SPARCL1: variants seen among roughly 807,000 people sequenced by gnomAD.
SPARCL1 encodes the protein SPARC like 1.
In SPARCL1, 52 loss-of-function variants were observed where a neutral mutation model predicts 67.1. That is an observed-to-expected ratio of 0.78 (90% confidence interval 0.62 to 0.98). The LOEUF is 0.98. Ranked by LOEUF, SPARCL1 falls within the 50% of genes least tolerant of loss-of-function variation. The pLI, the probability that SPARCL1 is intolerant of heterozygous loss-of-function variation, is 0.00. For missense variants in SPARCL1, 717 were observed against 782.4 expected (o/e 0.92, Z 1.00); for synonymous variants, 226 against 267.8 (o/e 0.84, Z 1.52).
chr4:87,515,573 G>T (rs1454473690), intron 1 of SPARCL1, among the ~76,000 whole-genome samples: 1 of 152,114 alleles, frequency 6.6e-6, no homozygotes, highest in Non-Finnish European at 1.5e-5. Context: ...AGGGATGATA[G>T]GTAACTGGAA....
intron 7 of SPARCL1, among the ~76,000 whole-genome samples, chr4:87,482,923 G>T (rs1723891611): frequency 6.6e-6 from 1 of 152,054 alleles, no homozygotes; most frequent in South Asian, 2.1e-4. Flanking sequence ...ATTGAATAGA[G>T]AAAAAGGTAG....
chr4:87,490,208 G>C (rs558794446), intron 7 of SPARCL1, 65 bp downstream of exon 7: 1 of 1,492,666 alleles, frequency 6.7e-7, no homozygotes, highest in Non-Finnish European at 9.0e-7. Flanking sequence ...AGATAATTCA[G>C]GCATGTCCAG....
intron 2 of SPARCL1, among the ~76,000 whole-genome samples, chr4:87,496,404 A>C (rs1421087241): frequency 6.6e-6 from 1 of 151,886 alleles, no homozygotes; most frequent in Non-Finnish European, 1.5e-5. Flanking sequence ...TTTTTTGTAG[A>C]GATGGAGTTT....
At chr4:87,473,833 T>C in intron 10 of SPARCL1, 30 bp from the exon 11 acceptor site, 1 of 1,534,264 alleles carries the variant, frequency 6.5e-7, no homozygotes, top group South Asian at 1.1e-5. Flanking sequence ...AAAATGACAC[T>C]TTTAGAAAGT....
At chr4:87,519,661 T>G (rs963600457) in intron 1 of SPARCL1, among the ~76,000 whole-genome samples, 1 of 152,146 alleles carries the variant, frequency 6.6e-6, no homozygotes, top group Non-Finnish European at 1.5e-5. Flanking sequence ...AAATACATAT[T>G]TTACACACAT....
At chr4:87,480,345 A>G (rs760975181) in intron 9 of SPARCL1, 27 bp downstream of exon 9, 2 of 1,528,878 alleles carry the variant, frequency 1.3e-6, no homozygotes, top group South Asian at 1.4e-5. Flanking sequence ...AGATAAATCT[A>G]GAAATGGAAA....
chr4:87,490,475 G>A, intron 6 of SPARCL1, 82 bp from the exon 7 acceptor site: 1 of 1,469,434 alleles, frequency 6.8e-7, no homozygotes, highest in Non-Finnish European at 9.2e-7. Context: ...CTCATATGCT[G>A]ATAACAGCGC....
rs1725290279 is a variant in SPARCL1, at chr4:87,510,228, C to T, written c.-11-10643G>A. On this transcript the variant is annotated intron_variant, in intron 1 of 10. Coordinates refer to ENST00000282470, the MANE Select transcript of SPARCL1 (RefSeq NM_004684.6). ...ATAATATGTGTTCCGCATGTCTCTT[C>T]CCGATTCTGTTCAGTGGCGTCATGT... 2.6e-5 allele frequency among the ~76,000 whole-genome samples: 4 copies of T among 152,156 alleles called. No homozygotes were observed. In the South Asian group the frequency reaches 8.3e-4, roughly 32 times the overall value.
At chr4:87,498,283 G>T (rs564962887) in intron 2 of SPARCL1, among the ~76,000 whole-genome samples, 1 of 152,274 alleles carries the variant, frequency 6.6e-6, no homozygotes, top group East Asian at 1.9e-4. Flanking sequence ...TCCAAGAACA[G>T]CTTGGTCTGG....
chr4:87,521,001 C>A (rs570440814), intron 1 of SPARCL1, among the ~76,000 whole-genome samples: 5 of 152,170 alleles, frequency 3.3e-5, no homozygotes, highest in Admixed American at 1.3e-4. Context: ...TATTAGGGAA[C>A]CTACACAAAC....
Position 87,490,407 on chromosome 4 carries a change from G to A in SPARCL1, c.1411-14C>T. The A allele has an allele frequency of 6.3e-7, 1 of 1,594,810 alleles. No homozygotes were observed. On this transcript the variant is annotated splice_polypyrimidine_tract_variant and intron_variant, in intron 6 of 10. Coordinates refer to ENST00000282470, the MANE Select transcript of SPARCL1 (RefSeq NM_004684.6). ...AGTGCCACAAACCTATGGAAGATAA[G>A]TAGAAGAAAAAGCTGATAGAGCCAA...
At chr4:87,483,083 GT>G (rs35089335) in intron 7 of SPARCL1, among the ~76,000 whole-genome samples, 60,736 of 143,816 alleles carry the variant, frequency 0.42, 13,366 homozygotes, top group African/African-American at 0.59. Context: ...GATCACTGCC[GT>G]TTTTTTTTTT....
intron 1 of SPARCL1, among the ~76,000 whole-genome samples, chr4:87,508,820 A>G (rs1194110887): frequency 7.2e-6 from 1 of 139,664 alleles, no homozygotes; most frequent in Non-Finnish European, 1.6e-5. Flanking sequence ...GTGTGTATAG[A>G]TACATATATG....
chr4:87,516,270 C>T (rs1178360164), intron 1 of SPARCL1, among the ~76,000 whole-genome samples: 1 of 152,048 alleles, frequency 6.6e-6, no homozygotes, highest in Non-Finnish European at 1.5e-5. Flanking sequence ...GAGAGGCCTG[C>T]CCAAATTTCT....
intron 1 of SPARCL1, among the ~76,000 whole-genome samples, chr4:87,521,667 A>T (rs546687997): frequency 2.6e-5 from 4 of 152,242 alleles, no homozygotes; most frequent in Non-Finnish European, 5.9e-5. Flanking sequence ...GATGATGACA[A>T]CTTGATCTGT....
intron 1 of SPARCL1, 116 bp downstream of exon 1, chr4:87,528,929 T>C (rs1452228837): frequency 1.3e-5 from 2 of 152,224 alleles, no homozygotes; most frequent in Non-Finnish European, 2.9e-5. Context: ...AAAACTTTTT[T>C]TGGTAAATAA....
rs146099424 is a variant in SPARCL1, at chr4:87,514,645, C to T, written c.-12+14400G>A. The stretch of plus-strand genomic sequence containing the variant: ...CCTTGTGTTCTTCCATTGTGTTCCA[C>T]GTTGTCCTTTAGACTAGTCACTGGG... On this transcript the variant is annotated intron_variant, in intron 1 of 10. Transcript: ENST00000282470. 8.3e-4 allele frequency among the ~76,000 whole-genome samples: 126 copies of T among 152,262 alleles called. 1 individual carries two copies. Among genetic ancestry groups the T allele is most frequent in the Non-Finnish European group, 1.6e-3 (108 of 68,022 alleles).
At chr4:87,501,094 G>A (rs1724824309) in intron 1 of SPARCL1, among the ~76,000 whole-genome samples, 1 of 151,910 alleles carries the variant, frequency 6.6e-6, no homozygotes, top group South Asian at 2.1e-4. Context: ...TCTTAATATG[G>A]TAACAACAAT....
Position 87,490,883 on chromosome 4 carries a change from C to G in SPARCL1, c.1292-5G>C. Reference sequence around the variant, plus strand: ...ACTGGAAGCTCATGCAAGAATCTAACAGAAAAGATTGGGCAGGAAGCATGG... The same window carrying G: ...ACTGGAAGCTCATGCAAGAATCTAAGAGAAAAGATTGGGCAGGAAGCATGG... On this transcript the variant is annotated splice_region_variant and splice_polypyrimidine_tract_variant and intron_variant, in intron 5 of 10. Transcript: ENST00000282470. The G allele has an allele frequency of 6.5e-7, 1 of 1,529,190 alleles. No individual in the cohort carries two copies. The highest frequency in any genetic ancestry group is 2.3e-5 in the East Asian group (1 of 43,714). 94.7% of individuals were successfully genotyped at this position (1,529,190 alleles called of 1,614,324 possible).
Sources: gnomAD v4.1 joint callset for allele counts (sites outside exome capture counted in the v4.1 genomes callset) on GRCh38, gnomAD v4.1.1 for gene constraint, MANE v1.5 for transcripts, NCBI Gene and HGNC (gene_info 2026-07-23, HGNC 2026-07-21) for gene names.